The following ANOS1 variants were observed in gnomAD, a reference collection of about 807,000 sequenced individuals.
ANOS1 encodes anosmin 1.
ANOS1 carries 6 observed loss-of-function variants against 59.0 expected under a neutral mutation model. The observed-to-expected ratio is 0.10, with a 90% CI of 0.06 to 0.20. The LOEUF (loss-of-function observed/expected upper bound fraction) is 0.20, where lower values mean the gene tolerates loss of function less well. Ranked by LOEUF, ANOS1 falls within the 10% of genes least tolerant of loss-of-function variation. The probability of loss-of-function intolerance (pLI) is 1.00; values close to 1 mark genes in which losing one functional copy is unlikely to be tolerated. For synonymous variants in ANOS1, 217 were observed against 223.4 expected (o/e 0.97, Z 0.25); for missense variants, 433 against 542.3 (o/e 0.80, Z 2.00).
intron 2 of ANOS1, among the ~76,000 whole-genome samples, chrX:8,698,317 A>G (rs1259702449): frequency 8.9e-6 from 1 of 112,499 alleles, no homozygotes; most frequent in Non-Finnish European, 1.9e-5. Flanking sequence ...AAGTAATTCA[A>G]ATAAGCCTGT....
chrX:8,660,339 C>T (rs1160500484), intron 2 of ANOS1, among the ~76,000 whole-genome samples: 1 of 112,102 alleles, frequency 8.9e-6, no homozygotes, highest in Non-Finnish European at 1.9e-5. Flanking sequence ...CCTGACTAGG[C>T]ATCAGACTCA....
At chrX:8,583,663 G>C (rs1046999160) in intron 6 of ANOS1, among the ~76,000 whole-genome samples, 3 of 112,052 alleles carry the variant, frequency 2.7e-5, no homozygotes, top group African/African-American at 9.7e-5. Context: ...TTTTTGGTTT[G>C]TAAAATTGCA....
intron 2 of ANOS1, among the ~76,000 whole-genome samples, chrX:8,696,511 A>C (rs951098690): frequency 8.0e-5 from 9 of 112,469 alleles, no homozygotes; most frequent in Non-Finnish European, 1.7e-4. Context: ...GATGACAATC[A>C]GAATTCCTAG....
intron 3 of ANOS1, among the ~76,000 whole-genome samples, chrX:8,599,775 G>A (rs1930809265): frequency 8.9e-6 from 1 of 112,031 alleles, no homozygotes; most frequent in South Asian, 3.7e-4. Context: ...CTGGAGATAG[G>A]AGGTTATCTA....
In ANOS1 at chrX:8,668,420, T is replaced by C. The variant is rs1425341122; in HGVS notation, c.255+31278A>G. 1.2e-3 allele frequency among the ~76,000 whole-genome samples: 92 copies of C among 75,905 alleles called. 1 individual carries two copies. The highest frequency in any genetic ancestry group is 4.6e-3 in the African/African-American group (84 of 18,331). The allele number at this position is 75,905 out of a possible 115,157, so 65.9% of individuals were successfully genotyped here. On this transcript the variant is annotated intron_variant, in intron 2 of 13. Transcript: ENST00000262648. ...ATATATATATATATATATATATATATATATATATATACACACACATACATA... is the reference window on the plus strand; with the variant it reads ...ATATATATATATATATATATATATACATATATATATACACACACATACATA...
intron 7 of ANOS1, among the ~76,000 whole-genome samples, chrX:8,569,723 G>A (rs1445180779): frequency 8.9e-6 from 1 of 112,161 alleles, no homozygotes; most frequent in African/African-American, 3.2e-5. Flanking sequence ...TTATAATTCT[G>A]AAGAGCACAG....
intron 2 of ANOS1, among the ~76,000 whole-genome samples, chrX:8,629,821 C>A (rs191305042): frequency 8.9e-6 from 1 of 112,112 alleles, no homozygotes; most frequent in Non-Finnish European, 1.9e-5. Flanking sequence ...AAGGTTCACA[C>A]GAAATTCAAA....
rs144500322 is a variant in ANOS1, at chrX:8,551,622, C to G, written c.1354+2330G>C. On this transcript the variant is annotated intron_variant, in intron 9 of 13. Coordinates refer to ENST00000262648, the MANE Select transcript of ANOS1 (RefSeq NM_000216.4). Reference sequence around the variant, plus strand: ...ACTCCATCAAAAAAAAAAAAACCCACTAAGAAGAAAGTTAAAAATGCAAGA... The same window carrying G: ...ACTCCATCAAAAAAAAAAAAACCCAGTAAGAAGAAAGTTAAAAATGCAAGA... Among the ~76,000 whole-genome samples the G allele has an allele frequency of 3.1e-3, 337 of 108,637 alleles. 1 individual carries two copies. Among genetic ancestry groups the G allele is most frequent in the Non-Finnish European group, 3.8e-3 (197 of 52,296 alleles). The allele number at this position is 108,637 out of a possible 115,157, so 94.3% of individuals were successfully genotyped here.
Position 8,578,726 on chromosome X carries a change from A to G in ANOS1, c.856+6541T>C, listed in dbSNP as rs868688267. Among the ~76,000 whole-genome samples the G allele has an allele frequency of 8.0e-5, 9 of 112,526 alleles. No individual in the cohort carries two copies. The South Asian group carries it at 2.9e-3, about 37-fold the overall frequency. On this transcript the variant is annotated intron_variant, in intron 6 of 13. Coordinates refer to ENST00000262648, the MANE Select transcript of ANOS1 (RefSeq NM_000216.4). ...AAAGATAATATGCTAGGTTAAGGAT[A>G]ATTTAAGTTGGATTTTTATGTTTCT... is the stretch of plus-strand genomic sequence containing the variant.
At chrX:8,627,696 C>A (rs1931418700) in intron 2 of ANOS1, among the ~76,000 whole-genome samples, 1 of 109,055 alleles carries the variant, frequency 9.2e-6, no homozygotes, top group Admixed American at 9.9e-5. Context: ...ATAAGTTTGC[C>A]AAAAGTCTAT....
rs1930691716 is a variant in ANOS1, at chrX:8,594,686, A to ATATG, written c.541+2347_541+2348insCATA. Among the ~76,000 whole-genome samples the ATATG allele has an allele frequency of 6.2e-5, 4 of 64,594 alleles. No individual in the cohort carries two copies. In the South Asian group the frequency reaches 3.1e-3, roughly 50 times the overall value. The allele number at this position is 64,594 out of a possible 115,157, so 56.1% of individuals were successfully genotyped here. On this transcript the variant is annotated intron_variant, in intron 4 of 13. Transcript: ENST00000262648. Reference sequence around the variant, plus strand: ...TATATATATATATATATATATATATATATATATATATACACATATATATAC... The same window carrying ATATG: ...TATATATATATATATATATATATATATATGTATATATATATACACATATATATAC...
intron 4 of ANOS1, among the ~76,000 whole-genome samples, chrX:8,595,778 G>A (rs1456620745): frequency 9.0e-6 from 1 of 111,126 alleles, no homozygotes; most frequent in Admixed American, 9.6e-5. Context: ...CCCAGCTCCC[G>A]GGCCACTGAC....
chrX:8,551,019 T>C (rs1198488406), intron 9 of ANOS1, among the ~76,000 whole-genome samples: 1 of 111,383 alleles, frequency 9.0e-6, no homozygotes, highest in Non-Finnish European at 1.9e-5. Flanking sequence ...GATGGTTTTA[T>C]AAATTGCAGT....
rs998757720 is a variant in ANOS1, at chrX:8,697,799, G to A, written c.255+1899C>T. On this transcript the variant is annotated intron_variant, in intron 2 of 13. Coordinates refer to ENST00000262648, the MANE Select transcript of ANOS1 (RefSeq NM_000216.4). ...GAAACACAGTGTAGAAGACAGGGAT[G>A]TATATGTCTCTACTGGTTTGTTGAG... is the stretch of plus-strand genomic sequence containing the variant. Among the ~76,000 whole-genome samples the A allele has an allele frequency of 2.6e-4, 29 of 111,955 alleles. 1 individual carries two copies. The highest frequency in any genetic ancestry group is 2.9e-4 in the Admixed American group (3 of 10,520).
intron 1 of ANOS1, among the ~76,000 whole-genome samples, chrX:8,726,758 C>T (rs971195270): frequency 8.9e-6 from 1 of 112,025 alleles, no homozygotes; most frequent in African/African-American, 3.2e-5. Flanking sequence ...GCAGGAGTGT[C>T]CAAGATGAAG....
Position 8,532,907 on chromosome X carries a change from C to T in ANOS1, c.*88G>A, listed in dbSNP as rs1929523111. 3 of 598,302 alleles carry T rather than the reference C, an allele frequency of 5.0e-6. No individual in the cohort carries two copies. The highest frequency in any genetic ancestry group is 4.7e-5 in the South Asian group (2 of 42,553). The allele number at this position is 598,302 out of a possible 1,213,427, so 49.3% of individuals were successfully genotyped here. A position where few individuals can be genotyped will look rare whatever the true frequency, so the allele number is the denominator to read the frequency against. On this transcript the variant is annotated 3_prime_UTR_variant, in exon 14 of 14. Coordinates refer to ENST00000262648, the MANE Select transcript of ANOS1 (RefSeq NM_000216.4). ...GAGAGTCCGGGCCTCTGAGCAGTTC[C>T]CACTGCCTCTGGAAGTGTGCATGTC...
intron 1 of ANOS1, among the ~76,000 whole-genome samples, chrX:8,721,252 T>C (rs1042775477): frequency 1.8e-5 from 2 of 111,545 alleles, no homozygotes; most frequent in African/African-American, 6.5e-5. Context: ...GATCATAATA[T>C]AGGTGCTGTT....
At chrX:8,570,804 T>C (rs996612247) in intron 6 of ANOS1, 100 bp from the exon 7 acceptor site, 1 of 828,413 alleles carries the variant, frequency 1.2e-6, no homozygotes, top group Non-Finnish European at 1.8e-6. Flanking sequence ...TTGCTTTTTA[T>C]AGATAGAAAA....
At chrX:8,687,492 T>C (rs1333722370) in intron 2 of ANOS1, among the ~76,000 whole-genome samples, 2 of 107,514 alleles carry the variant, frequency 1.9e-5, no homozygotes, top group African/African-American at 6.8e-5. Context: ...CCTGCATAGA[T>C]ATGCATCAAA....
Sources: allele counts gnomAD v4.1 joint callset (sites outside exome capture counted in the v4.1 genomes callset), GRCh38; gene constraint gnomAD v4.1.1; transcripts MANE v1.5; gene names NCBI Gene and HGNC (gene_info 2026-07-23, HGNC 2026-07-21).